Variants in RANBP2 observed in about 807,000 individuals in gnomAD.
The protein encoded by RANBP2 is RAN binding protein 2.
Under a neutral mutation model 303.6 loss-of-function variants are expected in RANBP2, and 57 were observed. The observed-to-expected ratio is 0.19, with a 90% CI of 0.15 to 0.23. The LOEUF (loss-of-function observed/expected upper bound fraction) is 0.23, where lower values mean the gene tolerates loss of function less well. RANBP2 is among the 10% of genes least tolerant of loss of function. RANBP2 has a pLI of 1.00. For synonymous variants in RANBP2, 1,167 were observed against 1,301.5 expected (o/e 0.90, Z 2.23); for missense variants, 3,138 against 3,780.8 (o/e 0.83, Z 4.46).
At chr2:109,280,392 G>C in the RANBP2 span, among the ~76,000 whole-genome samples, 1 of 152,184 alleles carries the variant, frequency 6.6e-6, no homozygotes, top group African/African-American at 2.4e-5. Context: ...TCCCACCTGA[G>C]TGCGCTCTTG....
chr2:109,410,713 G>A, the RANBP2 span, among the ~76,000 whole-genome samples: 1 of 152,216 alleles, frequency 6.6e-6, no homozygotes, highest in Non-Finnish European at 1.5e-5. Flanking sequence ...ATCCTGGCAG[G>A]TATCCATTAT....
chr2:108,768,623 C>A (rs1255530443), intron 20 of RANBP2, among the ~76,000 whole-genome samples: 1 of 152,130 alleles, frequency 6.6e-6, no homozygotes, highest in African/African-American at 2.4e-5. Flanking sequence ...CATGCTAGGG[C>A]AGAGCAAAAG....
chr2:109,610,643 G>C, the RANBP2 span, among the ~76,000 whole-genome samples: 1 of 152,138 alleles, frequency 6.6e-6, no homozygotes, highest in East Asian at 1.9e-4. Context: ...TTGAACCAGG[G>C]AGGTGGAGGC....
At chr2:109,702,401 C>G in the RANBP2 span, among the ~76,000 whole-genome samples, 2 of 152,228 alleles carry the variant, frequency 1.3e-5, no homozygotes, top group African/African-American at 2.4e-5. Context: ...TGCTTAGTCA[C>G]TGCTTTGCAT....
chr2:109,653,805 TTCAA>T, the RANBP2 span, among the ~76,000 whole-genome samples: 1 of 152,166 alleles, frequency 6.6e-6, no homozygotes, highest in Non-Finnish European at 1.5e-5. Context: ...GGGCCTAGGT[TTCAA>T]TCAATCAAAC....
chr2:109,154,500 C>T, the RANBP2 span, among the ~76,000 whole-genome samples: 2 of 152,328 alleles, frequency 1.3e-5, no homozygotes, highest in African/African-American at 4.8e-5. Flanking sequence ...CTCGAGGCTT[C>T]CTCAGCTGGC....
chr2:108,794,549 C>G, the RANBP2 span: 6 of 1,593,972 alleles, frequency 3.8e-6, no homozygotes, highest in Non-Finnish European at 5.1e-6. Context: ...GTTGCCTTGC[C>G]AACTAATACG....
the RANBP2 span, among the ~76,000 whole-genome samples, chr2:109,166,230 G>A: frequency 2.6e-5 from 4 of 152,258 alleles, no homozygotes; most frequent in African/African-American, 7.2e-5. Context: ...TGTCATCCCA[G>A]CACTTTGGGA....
At chr2:109,492,086 C>T in the RANBP2 span, among the ~76,000 whole-genome samples, 1 of 152,172 alleles carries the variant, frequency 6.6e-6, no homozygotes, top group Non-Finnish European at 1.5e-5. Context: ...GTGACCACGT[C>T]CTCTGCCTTC....
the RANBP2 span, among the ~76,000 whole-genome samples, chr2:109,065,301 T>TTTGC: frequency 4.7e-4 from 71 of 152,358 alleles, no homozygotes; most frequent in Non-Finnish European, 6.3e-4. Flanking sequence ...TGCACTTTTT[T>TTTGC]TTGCTTGCTT....
chr2:109,423,961 A>G, the RANBP2 span, among the ~76,000 whole-genome samples: 1 of 152,192 alleles, frequency 6.6e-6, no homozygotes, highest in Non-Finnish European at 1.5e-5. Flanking sequence ...GAGTCTCTGG[A>G]TGACATAGAC....
chr2:109,273,706 T>A, the RANBP2 span, among the ~76,000 whole-genome samples: 1 of 152,180 alleles, frequency 6.6e-6, no homozygotes, highest in Non-Finnish European at 1.5e-5. Flanking sequence ...ACGCATGAGA[T>A]CTATCACGTT....
chr2:109,658,509 C>T, the RANBP2 span, among the ~76,000 whole-genome samples: 10 of 152,002 alleles, frequency 6.6e-5, no homozygotes, highest in Admixed American at 2.0e-4. Context: ...ACAGACACCA[C>T]GATATCTAGA....
the RANBP2 span, among the ~76,000 whole-genome samples, chr2:109,079,629 C>A: frequency 6.6e-6 from 1 of 152,260 alleles, no homozygotes; most frequent in Non-Finnish European, 1.5e-5. Flanking sequence ...CGGTCCCAAC[C>A]AGCAGAGGGG....
chr2:109,603,749 G>A, the RANBP2 span, among the ~76,000 whole-genome samples: 2 of 152,192 alleles, frequency 1.3e-5, no homozygotes, highest in Admixed American at 6.5e-5. Context: ...GGCTTGAGCA[G>A]AGACTTGATG....
the RANBP2 span, among the ~76,000 whole-genome samples, chr2:109,354,182 C>T: frequency 2.6e-5 from 4 of 152,212 alleles, no homozygotes; most frequent in African/African-American, 4.8e-5. Context: ...CTTCTCCCTG[C>T]GACACAGAGT....
chr2:109,214,325 C>T, the RANBP2 span, among the ~76,000 whole-genome samples: 1 of 152,106 alleles, frequency 6.6e-6, no homozygotes, highest in African/African-American at 2.4e-5. Flanking sequence ...CATTGCTACC[C>T]TGGCAGAGGA....
the RANBP2 span, among the ~76,000 whole-genome samples, chr2:109,447,150 A>G: frequency 7.7e-6 from 1 of 130,594 alleles, no homozygotes. Context: ...GAATATTTAA[A>G]AAAAAAAAAA....
At chr2:109,442,031 G>A in the RANBP2 span, among the ~76,000 whole-genome samples, 1 of 152,146 alleles carries the variant, frequency 6.6e-6, no homozygotes, top group East Asian at 1.9e-4. Context: ...CACACTATTG[G>A]CCAGGCACAG....
Sources: allele counts gnomAD v4.1 joint callset (sites outside exome capture counted in the v4.1 genomes callset), GRCh38; gene constraint gnomAD v4.1.1; transcripts MANE v1.5; gene names NCBI Gene and HGNC (gene_info 2026-07-23, HGNC 2026-07-21).